The following COL14A1 variants were observed in gnomAD, a reference collection of about 807,000 sequenced individuals.
COL14A1 encodes the protein collagen alpha-1(XIV) chain.
COL14A1 carries 136 observed loss-of-function variants against 230.3 expected under a neutral mutation model. The observed-to-expected ratio is 0.59, with a 90% CI of 0.51 to 0.68. COL14A1 has a LOEUF of 0.68. Ranked by LOEUF, COL14A1 falls within the 30% of genes least tolerant of loss-of-function variation. The pLI is 0.00. For synonymous variants in COL14A1, 792 were observed against 784.1 expected (o/e 1.01, Z -0.17); for missense variants, 1,976 against 2,215.8 (o/e 0.89, Z 2.17).
chr8:120,219,060 C>T (rs58829748), intron 14 of COL14A1, among the ~76,000 whole-genome samples: 81,421 of 150,694 alleles, frequency 0.54, 22,689 homozygotes, highest in African/African-American at 0.66. Context: ...TAATAATAAT[C>T]ATAAGCATTC....
rs1198515991 is a variant in COL14A1 at position 120,372,808 on chromosome 8, C to T, written c.*1577C>T. 6.6e-6 allele frequency among the ~76,000 whole-genome samples: 1 copy of T among 151,560 alleles called. No homozygotes were observed. Among genetic ancestry groups the T allele is most frequent in the African/African-American group, 2.4e-5 (1 of 41,258 alleles). On this transcript the variant is annotated 3_prime_UTR_variant, in exon 48 of 48. Transcript: ENST00000297848. ...AGGATTCAAACAATCTACTTGTGTGCCTTTGGTGGGGTGGGGCAGGGGCGG... is the reference window on the plus strand; with the variant it reads ...AGGATTCAAACAATCTACTTGTGTGTCTTTGGTGGGGTGGGGCAGGGGCGG...
chr8:120,372,047 C>T lies in COL14A1; in HGVS notation c.*816C>T, dbSNP rs942678668. The stretch of plus-strand genomic sequence containing the variant: ...AACTTTAAAACAATGTATGTGGATT[C>T]TTTTTCCTGCATTTCTAAGTATCAC... On this transcript the variant is annotated 3_prime_UTR_variant, in exon 48 of 48. Transcript: ENST00000297848. The T allele has an allele frequency of 6.3e-6, 1 of 159,358 alleles. No individual in the cohort carries two copies. Among genetic ancestry groups the T allele is most frequent in the African/African-American group, 2.4e-5 (1 of 41,910 alleles). The allele number at this position is 159,358 out of a possible 1,614,324, so 9.9% of individuals were successfully genotyped here.
At chr8:120,190,507 A>G (rs1816786976) in intron 5 of COL14A1, among the ~76,000 whole-genome samples, 1 of 151,946 alleles carries the variant, frequency 6.6e-6, no homozygotes, top group African/African-American at 2.4e-5. Flanking sequence ...CCATTTGTCA[A>G]TTTTGGCTTT....
chr8:120,206,801 G>T lies in COL14A1; in HGVS notation c.1040-142G>T, dbSNP rs1817447008. The stretch of plus-strand genomic sequence containing the variant: ...CATTTAAATGTTTGAATGAACAAAT[G>T]GATAACTGAATCAACTTATCTAAAG... On this transcript the variant is annotated intron_variant, in intron 9 of 47. Transcript: ENST00000297848. 15 of 784,524 alleles carry T rather than the reference G, an allele frequency of 1.9e-5. No homozygotes were observed. The South Asian group carries it at 3.0e-4, about 16-fold the overall frequency. 48.6% of individuals were successfully genotyped at this position (784,524 alleles called of 1,614,324 possible). A position where few individuals can be genotyped will look rare whatever the true frequency, so the allele number is the denominator to read the frequency against.
At chr8:120,136,050 A>G (rs1041869298) in intron 1 of COL14A1, among the ~76,000 whole-genome samples, 5 of 152,110 alleles carry the variant, frequency 3.3e-5, no homozygotes, top group African/African-American at 1.2e-4. Flanking sequence ...TTGATTGTGA[A>G]TAGAGTCAGT....
At chr8:120,361,707 G>A (rs899772514) in intron 45 of COL14A1, among the ~76,000 whole-genome samples, 2 of 152,132 alleles carry the variant, frequency 1.3e-5, no homozygotes, top group South Asian at 2.1e-4. Flanking sequence ...GCATAGCTTC[G>A]TGGGCATAAA....
At chr8:120,304,054 G>A (rs1820792078) in intron 36 of COL14A1, among the ~76,000 whole-genome samples, 1 of 151,966 alleles carries the variant, frequency 6.6e-6, no homozygotes, top group East Asian at 1.9e-4. Context: ...GTTTCTAATG[G>A]TTACTTTTAT....
At chr8:120,310,552 T>C (rs2130086219) in intron 37 of COL14A1, among the ~76,000 whole-genome samples, 1 of 152,298 alleles carries the variant, frequency 6.6e-6, no homozygotes, top group South Asian at 2.1e-4. Context: ...TGTACATTGT[T>C]CAAAGGCACC....
At position 120,345,514 on chromosome 8, in the gene COL14A1, A is replaced by T. The variant is rs774468407; in HGVS notation, c.5028A>T (p.Thr1676=). ...CTGGTGAACAAGGACCCCCAGGCAC[A>T]CCAGGCTTCCCCGGAAATGCAGGCG... ...GAPGEQGPPG[T]PGFPGNAGVP... The change falls in exon 45 of 48, where the codon ACA becomes ACT. Residue 1676 remains threonine (T), a synonymous_variant. Coordinates refer to ENST00000297848, the MANE Select transcript of COL14A1 (RefSeq NM_021110.4). 33 of 1,580,410 alleles carry T rather than the reference A, an allele frequency of 2.1e-5. No individual in the cohort carries two copies. In the East Asian group the frequency reaches 7.7e-4, roughly 37 times the overall value.
At chr8:120,345,043 G>A (rs1368509463) in intron 44 of COL14A1, among the ~76,000 whole-genome samples, 1 of 152,238 alleles carries the variant, frequency 6.6e-6, no homozygotes, top group East Asian at 1.9e-4. Flanking sequence ...TAGAGAAATG[G>A]CAGCTGGGTG....
chr8:120,261,354 A>C (rs971031088), intron 23 of COL14A1, among the ~76,000 whole-genome samples: 3 of 152,258 alleles, frequency 2.0e-5, no homozygotes, highest in Admixed American at 1.3e-4. Context: ...TATAAGAATC[A>C]AATGAGATAA....
At chr8:120,188,196 C>T (rs1381770377) in intron 5 of COL14A1, among the ~76,000 whole-genome samples, 2 of 151,880 alleles carry the variant, frequency 1.3e-5, no homozygotes, top group African/African-American at 4.8e-5. Context: ...AATTCTCCTG[C>T]CTCAACCTCC....
chr8:120,248,583 G>A (rs748656670), intron 21 of COL14A1, among the ~76,000 whole-genome samples: 6 of 152,190 alleles, frequency 3.9e-5, no homozygotes, highest in African/African-American at 9.6e-5. Context: ...CTGGCTGGGT[G>A]TGGTGGCTCA....
intron 1 of COL14A1, among the ~76,000 whole-genome samples, chr8:120,147,002 C>T (rs1815111765): frequency 6.6e-6 from 1 of 151,756 alleles, no homozygotes; most frequent in Admixed American, 6.6e-5. Flanking sequence ...TGTTTTTTCC[C>T]CTCCAATTCT....
chr8:120,268,619 G>C (rs1819569525), intron 25 of COL14A1, among the ~76,000 whole-genome samples: 2 of 151,140 alleles, frequency 1.3e-5, no homozygotes, highest in South Asian at 4.2e-4. Flanking sequence ...GTTTGTCCTG[G>C]GTATATTTAA....
intron 45 of COL14A1, among the ~76,000 whole-genome samples, chr8:120,346,458 A>G (rs6982921): frequency 0.4 from 60,489 of 152,090 alleles, 12,058 homozygotes; most frequent in South Asian, 0.45. Flanking sequence ...ACTTTTACCT[A>G]TCTGCTCTGT....
intron 2 of COL14A1, among the ~76,000 whole-genome samples, chr8:120,152,396 G>T (rs1815316585): frequency 6.7e-6 from 1 of 149,634 alleles, no homozygotes; most frequent in African/African-American, 2.5e-5. Context: ...CGTGAACCTG[G>T]GAGGCGGAGC....
At chr8:120,132,459 G>A (rs976375056) in intron 1 of COL14A1, among the ~76,000 whole-genome samples, 5 of 152,036 alleles carry the variant, frequency 3.3e-5, no homozygotes, top group Admixed American at 6.6e-5. Flanking sequence ...GGTTACTGTA[G>A]CCTTGTAGTA....
chr8:120,176,770 G>A (rs1211612760), intron 5 of COL14A1, among the ~76,000 whole-genome samples: 2 of 152,030 alleles, frequency 1.3e-5, no homozygotes, highest in Non-Finnish European at 2.9e-5. Context: ...TGCATTAAGG[G>A]GTTTGAAGGA....
Sources: allele counts gnomAD v4.1 joint callset (sites outside exome capture counted in the v4.1 genomes callset), GRCh38; gene constraint gnomAD v4.1.1; transcripts MANE v1.5; gene names NCBI Gene and HGNC (gene_info 2026-07-23, HGNC 2026-07-21).